ZNF521: variants seen among roughly 807,000 people sequenced by gnomAD.
ZNF521 encodes zinc finger protein 521.
In ZNF521, 14 loss-of-function variants were observed where a neutral mutation model predicts 105.5. That is an observed-to-expected ratio of 0.13 (90% CI 0.09 to 0.21). The LOEUF is 0.21. Among genes scored for constraint, ZNF521 ranks in the 10% least tolerant of loss-of-function variants. ZNF521 has a pLI of 1.00. For synonymous variants in ZNF521, 635 were observed against 606.0 expected (o/e 1.05, Z -0.70); for missense variants, 1,233 against 1,629.7 (o/e 0.76, Z 4.19).
chr18:25,082,055 A>G (rs910240812), intron 7 of ZNF521, among the ~76,000 whole-genome samples: 2 of 152,184 alleles, frequency 1.3e-5, no homozygotes, highest in Admixed American at 6.5e-5. Flanking sequence ...GTTCCTGGAG[A>G]TCCGATCAAA....
At chr18:25,290,705 G>A (rs776266684) in intron 3 of ZNF521, among the ~76,000 whole-genome samples, 4 of 150,568 alleles carry the variant, frequency 2.7e-5, no homozygotes, top group Admixed American at 6.6e-5. Context: ...CCACCTCCCG[G>A]GTTCAAGCAA....
chr18:25,317,391 G>A (rs933815855), intron 3 of ZNF521, among the ~76,000 whole-genome samples: 1 of 152,002 alleles, frequency 6.6e-6, no homozygotes, highest in African/African-American at 2.4e-5. Context: ...TTATAGAGCT[G>A]AACATAAGAA....
intron 7 of ZNF521, 92 bp downstream of exon 7, chr18:25,089,373 G>T: frequency 1.1e-6 from 1 of 945,572 alleles, no homozygotes; most frequent in Non-Finnish European, 1.7e-6. Context: ...GGCCCAGGGT[G>T]AGTGATACTG....
intron 4 of ZNF521, among the ~76,000 whole-genome samples, chr18:25,221,053 C>T (rs77821474): frequency 1.1e-3 from 166 of 152,274 alleles, no homozygotes; most frequent in African/African-American, 3.7e-3. Flanking sequence ...TCACACTCAA[C>T]CTTTGAGGAG....
intron 3 of ZNF521, among the ~76,000 whole-genome samples, chr18:25,243,706 C>T (rs1907507622): frequency 6.6e-6 from 1 of 152,124 alleles, no homozygotes; most frequent in South Asian, 2.1e-4. Flanking sequence ...GTGGATTATT[C>T]AACTGATTAA....
chr18:25,221,336 A>C (rs1023498266), intron 4 of ZNF521, among the ~76,000 whole-genome samples: 16 of 152,108 alleles, frequency 1.1e-4, no homozygotes, highest in African/African-American at 3.6e-4. Flanking sequence ...TATAGTACTT[A>C]TCCTCCCCAG....
chr18:25,300,389 T>C (rs1051755899), intron 3 of ZNF521, among the ~76,000 whole-genome samples: 1 of 152,204 alleles, frequency 6.6e-6, no homozygotes, highest in Non-Finnish European at 1.5e-5. Flanking sequence ...TACTTTATTG[T>C]AGCAATATGA....
intron 2 of ZNF521, among the ~76,000 whole-genome samples, chr18:25,340,558 T>C (rs964455289): frequency 2.6e-5 from 4 of 152,172 alleles, no homozygotes; most frequent in Non-Finnish European, 5.9e-5. Flanking sequence ...AAGTTCACAA[T>C]TTGAAAGTAT....
chr18:25,173,710 C>T (rs186092275), intron 5 of ZNF521, among the ~76,000 whole-genome samples: 7 of 151,904 alleles, frequency 4.6e-5, no homozygotes, highest in East Asian at 3.9e-4. Flanking sequence ...AAATATAAAA[C>T]GAAGTTAGCC....
At chr18:25,167,844 A>G (rs8084638) in intron 5 of ZNF521, among the ~76,000 whole-genome samples, 23,887 of 152,158 alleles carry the variant, frequency 0.16, 2,402 homozygotes, top group East Asian at 0.46. Flanking sequence ...CCGCTCCCTC[A>G]TTACTTTAAA....
Position 25,225,327 on chromosome 18 carries a change from T to C in ZNF521, c.2591A>G (p.Asn864Ser), listed in dbSNP as rs888601741. 5 of 1,614,078 alleles carry C rather than the reference T, an allele frequency of 3.1e-6. No individual in the cohort carries two copies. In the South Asian group the frequency reaches 4.4e-5, roughly 14 times the overall value. Reference sequence around the variant, plus strand: ...GTGACTGTTGTGGGACTCCTGGCTGTTGGTCAGCAAAGTCTGCAGCTCCAC... The same window carrying C: ...GTGACTGTTGTGGGACTCCTGGCTGCTGGTCAGCAAAGTCTGCAGCTCCAC... ...EEVELQTLLT[N>S]SQESHNSHDG... Residue 864 changes from asparagine (N) to serine (S), a missense_variant, in exon 4 of 8, where the codon AAC becomes AGC. Asn to Ser is a conservative substitution (Grantham distance 46). Transcript: ENST00000361524. This position sits in a 1 kb window ranked among gnomAD's most constrained non-coding sequence, Gnocchi z 5.6.
chr18:25,207,094 C>T (rs890433474), intron 4 of ZNF521, among the ~76,000 whole-genome samples: 3 of 152,086 alleles, frequency 2.0e-5, no homozygotes, highest in Non-Finnish European at 4.4e-5. Flanking sequence ...AAAAATGCCC[C>T]CATATTCTCT....
At chr18:25,108,521 G>A (rs2034118680) in intron 5 of ZNF521, among the ~76,000 whole-genome samples, 1 of 151,938 alleles carries the variant, frequency 6.6e-6, no homozygotes, top group Non-Finnish European at 1.5e-5. Context: ...GGAATTCATA[G>A]TTCTTATTCC....
At chr18:25,089,715 A>AGTCTCAGTCACATTT (rs1724981361) in intron 6 of ZNF521, 135 bp from the exon 7 acceptor site, 1 of 685,356 alleles carries the variant, frequency 1.5e-6, no homozygotes, top group African/African-American at 1.8e-5. Context: ...ACCTGGGGAG[A>AGTCTCAGTCACATTT]GCTGAGTCAC....
At chr18:25,132,968 GT>G (rs2034668145) in intron 5 of ZNF521, among the ~76,000 whole-genome samples, 2 of 152,210 alleles carry the variant, frequency 1.3e-5, no homozygotes, top group South Asian at 4.1e-4. Context: ...AGCAGGACAT[GT>G]GTGCGGCATC....
chr18:25,089,973 G>C (rs1200491656), intron 6 of ZNF521, among the ~76,000 whole-genome samples: 4 of 152,148 alleles, frequency 2.6e-5, no homozygotes, highest in Non-Finnish European at 5.9e-5. Flanking sequence ...TAAAGTTATA[G>C]CTAGCAAACA....
intron 3 of ZNF521, chr18:25,273,663 G>C (rs1909833816): frequency 6.6e-6 from 1 of 152,196 alleles, no homozygotes; most frequent in Non-Finnish European, 1.5e-5. Context: ...TACTTAGAGT[G>C]TAAGGCATAG....
intron 5 of ZNF521, among the ~76,000 whole-genome samples, chr18:25,150,965 T>G (rs2035037490): frequency 1.3e-5 from 2 of 149,772 alleles, no homozygotes; most frequent in South Asian, 4.2e-4. Flanking sequence ...CACGGCTCAC[T>G]GTAGCCTTGA....
Position 25,231,109 on chromosome 18 carries a change from G to A in ZNF521, c.221-3412C>T, listed in dbSNP as rs192789656. Among the ~76,000 whole-genome samples the A allele has an allele frequency of 5.3e-5, 8 of 152,284 alleles. No individual in the cohort carries two copies. The East Asian group carries it at 1.5e-3, about 29-fold the overall frequency. ...CCTTATTTCCTAATTTCGCTGGCTG[G>A]CCACACTGCAGCAGCCTCTGTGTTT... On this transcript the variant is annotated intron_variant, in intron 3 of 7. Coordinates refer to ENST00000361524, the MANE Select transcript of ZNF521 (RefSeq NM_015461.3).
Sources: allele counts gnomAD v4.1 joint callset (sites outside exome capture counted in the v4.1 genomes callset), GRCh38; gene constraint gnomAD v4.1.1; non-coding constraint Gnocchi (gnomAD v3.1); transcripts MANE v1.5; gene names NCBI Gene and HGNC (gene_info 2026-07-23, HGNC 2026-07-21).